Variants in SMYD3 observed in about 807,000 individuals in gnomAD.
The protein encoded by SMYD3 is SET and MYND domain containing 3.
Under a neutral mutation model 57.7 loss-of-function variants are expected in SMYD3, and 36 were observed. The observed-to-expected ratio is 0.62, with a 90% CI of 0.48 to 0.82. The LOEUF is 0.82. SMYD3 is among the 40% of genes least tolerant of loss of function. The pLI is 0.00. For missense variants in SMYD3, 515 were observed against 538.8 expected (o/e 0.96, Z 0.44); for synonymous variants, 211 against 195.0 (o/e 1.08, Z -0.68).
intron 1 of SMYD3, among the ~76,000 whole-genome samples, chr1:246,410,763 A>G (rs1171123153): frequency 1.3e-5 from 2 of 151,964 alleles, no homozygotes; most frequent in African/African-American, 2.4e-5. Flanking sequence ...TCCTCCTTGT[A>G]CCTCTGGTAG....
intron 5 of SMYD3, among the ~76,000 whole-genome samples, chr1:246,271,785 A>G (rs1439516230): frequency 6.6e-6 from 1 of 152,230 alleles, no homozygotes; most frequent in Non-Finnish European, 1.5e-5. Flanking sequence ...GGAGTCCCTC[A>G]AGATTCCATA....
rs58767465 is a variant in SMYD3, at chr1:245,750,318, T to C, written c.1186-654A>G. Among the ~76,000 whole-genome samples, 353 of 152,246 alleles carry C rather than the reference T, an allele frequency of 2.3e-3. 1 individual carries two copies. Among genetic ancestry groups the C allele is most frequent in the African/African-American group, 8.2e-3 (342 of 41,550 alleles). The stretch of plus-strand genomic sequence containing the variant: ...GTTGTTTACTGGTCAGTATGTTTGC[T>C]CCCAGAACCAAGAGACTCCATGCTG... On this transcript the variant is annotated intron_variant, in intron 11 of 11. Coordinates refer to ENST00000490107, the MANE Select transcript of SMYD3 (RefSeq NM_001167740.2).
intron 10 of SMYD3, among the ~76,000 whole-genome samples, chr1:245,848,917 A>T (rs893808540): frequency 6.6e-6 from 1 of 152,222 alleles, no homozygotes; most frequent in African/African-American, 2.4e-5. Flanking sequence ...CCAGAATGAA[A>T]TATCTCCAAG....
At chr1:245,885,736 G>A (rs540501016) in intron 8 of SMYD3, among the ~76,000 whole-genome samples, 7 of 152,118 alleles carry the variant, frequency 4.6e-5, no homozygotes, top group Non-Finnish European at 7.3e-5. Context: ...GCATAAAAAC[G>A]TTCATGGTCT....
chr1:246,053,184 A>C (rs2060090606), intron 5 of SMYD3: 1 of 152,192 alleles, frequency 6.6e-6, no homozygotes, highest in South Asian at 2.1e-4. Context: ...GGTCAAAGTG[A>C]GACCCTGTCT....
chr1:245,759,425 G>A (rs1202558104), intron 11 of SMYD3, among the ~76,000 whole-genome samples: 1 of 151,484 alleles, frequency 6.6e-6, no homozygotes, highest in African/African-American at 2.5e-5. Flanking sequence ...AGCCTCTGAA[G>A]CTGCCATCCC....
intron 10 of SMYD3, among the ~76,000 whole-genome samples, chr1:245,824,549 C>G (rs1031157730): frequency 4.6e-5 from 7 of 151,726 alleles, no homozygotes; most frequent in African/African-American, 1.5e-4. Flanking sequence ...AAACCCCCAA[C>G]TCTACTAAAA....
At chr1:245,891,844 A>G (rs1481162530) in intron 8 of SMYD3, among the ~76,000 whole-genome samples, 2 of 152,204 alleles carry the variant, frequency 1.3e-5, no homozygotes, top group African/African-American at 4.8e-5. Context: ...GAAGCTGAAG[A>G]CTAGCCTGGG....
intron 5 of SMYD3, among the ~76,000 whole-genome samples, chr1:246,188,855 G>A (rs1367926289): frequency 6.6e-6 from 1 of 151,884 alleles, no homozygotes; most frequent in East Asian, 1.9e-4. Context: ...CAGCTACTCG[G>A]GAGGCTAGTG....
chr1:245,937,970 T>A (rs1335113611), intron 5 of SMYD3, among the ~76,000 whole-genome samples: 1 of 152,214 alleles, frequency 6.6e-6, no homozygotes, highest in Non-Finnish European at 1.5e-5. Context: ...TATCTGTTTT[T>A]CCGTCAAATT....
At chr1:245,759,877 T>A (rs1020595294) in intron 11 of SMYD3, among the ~76,000 whole-genome samples, 3 of 152,138 alleles carry the variant, frequency 2.0e-5, no homozygotes, top group African/African-American at 7.2e-5. Context: ...GCCTGCAGCA[T>A]GCAGGGTTCA....
chr1:246,073,396 A>T (rs1188631313), intron 5 of SMYD3, among the ~76,000 whole-genome samples: 1 of 152,210 alleles, frequency 6.6e-6, no homozygotes, highest in East Asian at 1.9e-4. Flanking sequence ...TTGGTCTCTC[A>T]GAATTGTGAT....
Position 245,758,643 on chromosome 1 carries a change from G to T in SMYD3, c.1185+5398C>A, listed in dbSNP as rs191975389. 2.6e-5 allele frequency among the ~76,000 whole-genome samples: 4 copies of T among 152,010 alleles called. 1 individual carries two copies. The highest frequency in any genetic ancestry group is 2.6e-4 in the Admixed American group (4 of 15,260). ...ATTTTGATTATTATATTTATCAGTT[G>T]TTAAATTTCTATTTGTGTCTTCTTT... On this transcript the variant is annotated intron_variant, in intron 11 of 11. Transcript: ENST00000490107.
chr1:246,365,435 C>T (rs1012086938), intron 1 of SMYD3, among the ~76,000 whole-genome samples: 3 of 140,918 alleles, frequency 2.1e-5, no homozygotes, highest in Non-Finnish European at 4.5e-5. Context: ...ACTGAGGCTA[C>T]AGTGAGCTGT....
At chr1:246,146,916 GAC>G (rs1175438429) in intron 5 of SMYD3, among the ~76,000 whole-genome samples, 3 of 152,172 alleles carry the variant, frequency 2.0e-5, no homozygotes, top group Admixed American at 6.5e-5. Context: ...GCAGCAAACT[GAC>G]ACAGGGGCCT....
chr1:246,332,331 G>A (rs6659024), intron 3 of SMYD3, among the ~76,000 whole-genome samples: 98,298 of 152,054 alleles, frequency 0.65, 32,455 homozygotes, highest in Middle Eastern at 0.76. Flanking sequence ...TGAGTGGCCT[G>A]GATATAGAAG....
chr1:246,500,475 A>C (rs1264466423), intron 1 of SMYD3, among the ~76,000 whole-genome samples: 1 of 152,250 alleles, frequency 6.6e-6, no homozygotes. Flanking sequence ...GACAAATCCA[A>C]GTACAGGAAA....
rs185657837 is a variant in SMYD3 at position 246,165,618 on chromosome 1, A to G, written c.531+161583T>C. 1.1e-4 allele frequency among the ~76,000 whole-genome samples: 16 copies of G among 152,060 alleles called. No individual in the cohort carries two copies. The East Asian group carries it at 3.1e-3, about 29-fold the overall frequency. On this transcript the variant is annotated intron_variant, in intron 5 of 11. Transcript: ENST00000490107. ...CACCTTATAGCCTCAGGCCAGGAAA[A>G]CTCCCAGGCAAGATTGTGTGCAGCT...
chr1:246,249,530 T>A (rs2063767301), intron 5 of SMYD3, among the ~76,000 whole-genome samples: 1 of 134,264 alleles, frequency 7.4e-6, no homozygotes, highest in Non-Finnish European at 1.6e-5. Flanking sequence ...GTTTTTTTTG[T>A]ATTTTTTTTT....
Sources: allele counts gnomAD v4.1 joint callset (sites outside exome capture counted in the v4.1 genomes callset), GRCh38; gene constraint gnomAD v4.1.1; transcripts MANE v1.5; gene names NCBI Gene and HGNC (gene_info 2026-07-23, HGNC 2026-07-21).